The following NPSR1 variants were observed in gnomAD, a reference collection of about 807,000 sequenced individuals.
The protein encoded by NPSR1 is neuropeptide S receptor 1, also known as neuropeptide S receptor.
Under a neutral mutation model 46.9 loss-of-function variants are expected in NPSR1, and 48 were observed. The ratio of observed to expected loss-of-function variants is 1.02; its 90% CI spans 0.81 to 1.30. The LOEUF is 1.30. Ranked by LOEUF, NPSR1 falls within the 50% of genes most tolerant of loss-of-function variation. The probability of loss-of-function intolerance (pLI) is 0.00; values close to 1 mark genes in which losing one functional copy is unlikely to be tolerated. For synonymous variants in NPSR1, 176 were observed against 168.1 expected, an observed-to-expected ratio of 1.05 and a Z score of -0.36; for missense variants, 450 against 449.5, an observed-to-expected ratio of 1.00 and a Z score of -0.01.
intron 1 of NPSR1, among the ~76,000 whole-genome samples, chr7:34,683,829 C>T (rs1792784896): frequency 1.3e-5 from 2 of 152,126 alleles, no homozygotes; most frequent in Admixed American, 1.3e-4. Flanking sequence ...AAGGTTCTAC[C>T]TTAACTCCAT....
chr7:34,705,441 A>C (rs1278268417), intron 2 of NPSR1, among the ~76,000 whole-genome samples: 1 of 151,608 alleles, frequency 6.6e-6, no homozygotes. Flanking sequence ...TATCAAAAAA[A>C]AAAAAAAAAA....
At chr7:34,691,095 G>T (rs1483318244) in intron 2 of NPSR1, among the ~76,000 whole-genome samples, 1 of 152,112 alleles carries the variant, frequency 6.6e-6, no homozygotes, top group African/African-American at 2.4e-5. Flanking sequence ...AAGAACAAAT[G>T]TGCCAGCCAA....
intron 4 of NPSR1, among the ~76,000 whole-genome samples, chr7:34,815,628 G>A (rs898387729): frequency 6.6e-6 from 1 of 152,102 alleles, no homozygotes; most frequent in Non-Finnish European, 1.5e-5. Flanking sequence ...ATTCACCAAG[G>A]TTAAAATGAA....
At chr7:34,684,796 G>A (rs968237937) in intron 2 of NPSR1, 112 bp downstream of exon 2, 3 of 878,690 alleles carry the variant, frequency 3.4e-6, no homozygotes, top group Admixed American at 3.4e-5. Flanking sequence ...GGTCAATTTG[G>A]GAATAATTTC....
chr7:34,815,926 T>C (rs1008205479), intron 4 of NPSR1, among the ~76,000 whole-genome samples: 1 of 152,090 alleles, frequency 6.6e-6, no homozygotes, highest in African/African-American at 2.4e-5. Context: ...GCACTAAATA[T>C]GGAAAGGAAC....
chr7:34,698,621 A>C (rs1245249446), intron 2 of NPSR1, among the ~76,000 whole-genome samples: 2 of 152,216 alleles, frequency 1.3e-5, no homozygotes, highest in Admixed American at 1.3e-4. Flanking sequence ...GAATTTGAAA[A>C]GTGTGCCACT....
intron 1 of NPSR1, among the ~76,000 whole-genome samples, chr7:34,678,143 T>C (rs1348149779): frequency 7.6e-6 from 1 of 132,338 alleles, no homozygotes; most frequent in Non-Finnish European, 1.6e-5. Context: ...TCTGGACAAG[T>C]GCAAGAAATA....
chr7:34,709,580 C>T (rs992476002), intron 2 of NPSR1, among the ~76,000 whole-genome samples: 2 of 152,188 alleles, frequency 1.3e-5, no homozygotes, highest in Admixed American at 6.5e-5. Flanking sequence ...CACAGCGTTC[C>T]TGACTTCCTT....
chr7:34,780,513 C>G (rs537515547), intron 3 of NPSR1, among the ~76,000 whole-genome samples: 1 of 152,078 alleles, frequency 6.6e-6, no homozygotes, highest in Non-Finnish European at 1.5e-5. Flanking sequence ...CAAAAAATAT[C>G]AGAATCAAAT....
chr7:34,827,496 A>G lies in NPSR1; in HGVS notation c.574A>G (p.Asn192Asp). 6.2e-7 allele frequency: 1 copy of G among 1,614,048 alleles called. No individual in the cohort carries two copies. ...CATATTTGGGAAGAGGACACTGTCC[A>G]ACGGTGAAGTGCAGTGCTGGGCCCT... ...LIIFGKRTLS[N>D]GEVQCWALWP... The change falls in exon 5 of 9, where the codon AAC becomes GAC. Residue 192 changes from asparagine (N) to aspartate (D), a missense_variant. Asn to Asp is a conservative substitution (Grantham distance 23, BLOSUM62 1). Coordinates refer to ENST00000360581, the MANE Select transcript of NPSR1 (RefSeq NM_207172.2).
At chr7:34,671,305 T>G (rs889031769) in intron 1 of NPSR1, among the ~76,000 whole-genome samples, 1 of 152,208 alleles carries the variant, frequency 6.6e-6, no homozygotes, top group African/African-American at 2.4e-5. Context: ...GGTTTTTATT[T>G]TATCTTTGTG....
chr7:34,794,877 A>G (rs1375014241), intron 3 of NPSR1, among the ~76,000 whole-genome samples: 1 of 152,174 alleles, frequency 6.6e-6, no homozygotes, highest in African/African-American at 2.4e-5. Flanking sequence ...TGTACCTACA[A>G]TAAATACAAA....
Position 34,844,969 on chromosome 7 carries a change from C to A in NPSR1, c.831C>A (p.Ile277=). ...AAATCAAGGCTATCAAGTATAGCAT[C>A]ATCATCATTCTTGGTAAGCAATGTC... The part of the protein sequence containing the change: ...KAKIKAIKYS[I]IIILAFICCW... The change falls in exon 7 of 9, where the codon ATC becomes ATA. Residue 277 remains isoleucine (I), a synonymous_variant. Coordinates refer to ENST00000360581, the MANE Select transcript of NPSR1 (RefSeq NM_207172.2). 1 of 1,609,466 alleles carries A rather than the reference C, an allele frequency of 6.2e-7. No individual in the cohort carries two copies. Among genetic ancestry groups the A allele is most frequent in the Non-Finnish European group, 8.5e-7 (1 of 1,175,740 alleles).
downstream of NPSR1, among the ~76,000 whole-genome samples, chr7:34,850,966 G>T (rs781210382): frequency 1.3e-5 from 2 of 152,162 alleles, no homozygotes; most frequent in African/African-American, 4.8e-5. Flanking sequence ...TGGTACTTAT[G>T]AGCATAATCC....
chr7:34,796,153 A>G (rs1048027913), intron 3 of NPSR1, among the ~76,000 whole-genome samples: 2 of 152,150 alleles, frequency 1.3e-5, no homozygotes, highest in African/African-American at 4.8e-5. Context: ...AAAAGGTCAT[A>G]ATTTTAACAA....
At chr7:34,703,347 G>C (rs1304452236) in intron 2 of NPSR1, among the ~76,000 whole-genome samples, 2 of 151,920 alleles carry the variant, frequency 1.3e-5, no homozygotes, top group Non-Finnish European at 2.9e-5. Context: ...CTCCAGCCTG[G>C]GTGACAGAGC....
intron 6 of NPSR1, among the ~76,000 whole-genome samples, chr7:34,837,132 G>A (rs1393304446): frequency 6.6e-6 from 1 of 152,166 alleles, no homozygotes; most frequent in Non-Finnish European, 1.5e-5. Flanking sequence ...AATTTTAGGT[G>A]ATTTTTGTTT....
In NPSR1 at chr7:34,689,969, GGAAAA is replaced by G. The variant is rs1193442748; in HGVS notation, c.280+5295_280+5299del. On this transcript the variant is annotated intron_variant, in intron 2 of 8. Transcript: ENST00000360581. ...CTAAAAAAAATTAAAAAAAAAAAAAGGAAAAGAAAAGAAATCTGATGACATAACTG... is the reference window on the plus strand; with the variant it reads ...CTAAAAAAAATTAAAAAAAAAAAAAGGAAAAGAAATCTGATGACATAACTG... Among the ~76,000 whole-genome samples, 92 of 148,522 alleles carry G rather than the reference GGAAAA, an allele frequency of 6.2e-4. 1 individual carries two copies. The highest frequency in any genetic ancestry group is 3.5e-3 in the Middle Eastern group (1 of 288).
chr7:34,797,731 CAT>C (rs1322622676), intron 3 of NPSR1, among the ~76,000 whole-genome samples: 1 of 152,090 alleles, frequency 6.6e-6, no homozygotes, highest in Non-Finnish European at 1.5e-5. Context: ...CTAGGCATAT[CAT>C]ATTCAAACTG....
Sources: allele counts gnomAD v4.1 joint callset (sites outside exome capture counted in the v4.1 genomes callset), GRCh38; gene constraint gnomAD v4.1.1; transcripts MANE v1.5; gene names NCBI Gene and HGNC (gene_info 2026-07-23, HGNC 2026-07-21).